Variants in COP1 observed in about 807,000 individuals in gnomAD.
The protein encoded by COP1 is COP1 E3 ubiquitin ligase.
A neutral mutation model predicts 101.3 loss-of-function variants in COP1; 24 were observed. The ratio of observed to expected loss-of-function variants is 0.24; its 90% CI spans 0.17 to 0.33. COP1 has a LOEUF of 0.33. Ranked by LOEUF, COP1 falls within the 10% of genes least tolerant of loss-of-function variation. COP1 has a pLI of 1.00. For synonymous variants in COP1, 347 were observed against 341.9 expected (o/e 1.01, Z -0.17); for missense variants, 663 against 906.2 (o/e 0.73, Z 3.45).
At chr1:176,165,662 G>C (rs937306132) in intron 3 of COP1, among the ~76,000 whole-genome samples, 2 of 151,978 alleles carry the variant, frequency 1.3e-5, no homozygotes, top group African/African-American at 4.8e-5. Flanking sequence ...CTGCAGCCTA[G>C]GAGATAGAGC....
chr1:175,995,191 A>G (rs1229551803), intron 15 of COP1, among the ~76,000 whole-genome samples: 1 of 152,236 alleles, frequency 6.6e-6, no homozygotes, highest in Non-Finnish European at 1.5e-5. Flanking sequence ...TGTTCTTTGA[A>G]AACAACAAGA....
At position 176,162,237 on chromosome 1, in the gene COP1, CAATA is replaced by C. The variant is rs1694449072; in HGVS notation, c.762+628_762+631del. On this transcript the variant is annotated intron_variant, in intron 5 of 19. Coordinates refer to ENST00000367669, the MANE Select transcript of COP1 (RefSeq NM_022457.7). Reference sequence around the variant, plus strand: ...TGTGTTACTCACTCACTTACTGTCTCAATAAATACTCCCTTTATGTTTAACCTCA... The same window carrying C: ...TGTGTTACTCACTCACTTACTGTCTCAATACTCCCTTTATGTTTAACCTCA... Among the ~76,000 whole-genome samples, 3 of 152,158 alleles carry C rather than the reference CAATA, an allele frequency of 2.0e-5. No individual in the cohort carries two copies. The South Asian group carries it at 6.2e-4, about 31-fold the overall frequency.
At chr1:176,097,242 G>C (rs529312147) in intron 9 of COP1, among the ~76,000 whole-genome samples, 2 of 151,926 alleles carry the variant, frequency 1.3e-5, no homozygotes, top group African/African-American at 4.8e-5. Context: ...AAAAACGACT[G>C]AATTATTTTT....
intron 15 of COP1, among the ~76,000 whole-genome samples, chr1:176,019,262 C>T (rs1217746289): frequency 4.6e-5 from 7 of 151,402 alleles, no homozygotes; most frequent in African/African-American, 9.7e-5. Context: ...CAGGAGTTCG[C>T]GATAAGCCTG....
At chr1:176,154,100 C>A (rs1009351217) in intron 5 of COP1, among the ~76,000 whole-genome samples, 1 of 152,116 alleles carries the variant, frequency 6.6e-6, no homozygotes, top group African/African-American at 2.4e-5. Context: ...ATGATGCTGG[C>A]CTCACAGAAT....
intron 18 of COP1, among the ~76,000 whole-genome samples, chr1:175,951,407 T>C (rs10753111): frequency 0.68 from 95,050 of 139,456 alleles, 33,871 homozygotes; most frequent in East Asian, 0.92. Flanking sequence ...GGTATAAGTA[T>C]ATACAATGTA....
chr1:176,048,616 T>C (rs1194251490), intron 11 of COP1, among the ~76,000 whole-genome samples: 1 of 152,206 alleles, frequency 6.6e-6, no homozygotes, highest in East Asian at 1.9e-4. Context: ...GACAGAGTTA[T>C]TATCAGAACT....
chr1:176,180,569 T>C (rs1174367136), intron 2 of COP1, among the ~76,000 whole-genome samples: 1 of 152,250 alleles, frequency 6.6e-6, no homozygotes, highest in African/African-American at 2.4e-5. Context: ...GATATAAATG[T>C]GTACCTATTT....
intron 18 of COP1, among the ~76,000 whole-genome samples, chr1:175,982,868 T>C (rs1486767181): frequency 6.6e-6 from 1 of 151,902 alleles, no homozygotes; most frequent in South Asian, 2.1e-4. Context: ...TTACCAGAGG[T>C]GGGGGATGGG....
chr1:176,094,035 A>C (rs1329242029), intron 9 of COP1, among the ~76,000 whole-genome samples: 2 of 13,076 alleles, frequency 1.5e-4, no homozygotes, highest in African/African-American at 2.0e-4. Flanking sequence ...AAAAAAAGGA[A>C]AAAAAAAAAA....
intron 5 of COP1, among the ~76,000 whole-genome samples, chr1:176,159,832 C>G (rs1043839609): frequency 6.6e-6 from 1 of 152,062 alleles, no homozygotes; most frequent in Non-Finnish European, 1.5e-5. Context: ...GGTGGTCACA[C>G]TGGGAGAAGG....
intron 11 of COP1, among the ~76,000 whole-genome samples, chr1:176,058,719 A>AT (rs1362284598): frequency 6.6e-6 from 1 of 151,130 alleles, no homozygotes; most frequent in African/African-American, 2.4e-5. Context: ...ACCCTGCCAA[A>AT]TCCCCCTCTG....
intron 9 of COP1, among the ~76,000 whole-genome samples, chr1:176,103,951 C>G (rs1241068859): frequency 1.3e-5 from 2 of 151,894 alleles, no homozygotes; most frequent in African/African-American, 4.8e-5. Context: ...TATGAAAAAA[C>G]AAACAGGAAG....
chr1:176,131,895 C>T (rs1039103592), intron 8 of COP1, among the ~76,000 whole-genome samples: 11 of 151,782 alleles, frequency 7.2e-5, no homozygotes, highest in African/African-American at 2.2e-4. Flanking sequence ...TACTGTTTGC[C>T]TATTTTCCCT....
chr1:176,121,452 A>T (rs1196857700), intron 8 of COP1, among the ~76,000 whole-genome samples: 1 of 152,160 alleles, frequency 6.6e-6, no homozygotes, highest in Non-Finnish European at 1.5e-5. Flanking sequence ...TAACAGCAGC[A>T]GCTAACATTT....
intron 1 of COP1, among the ~76,000 whole-genome samples, chr1:176,192,766 G>A (rs1244519786): frequency 6.6e-6 from 1 of 152,140 alleles, no homozygotes; most frequent in African/African-American, 2.4e-5. Context: ...GGTACCATGT[G>A]TGATACATTT....
intron 15 of COP1, chr1:176,017,689 T>C (rs1665914147): frequency 6.6e-6 from 1 of 152,140 alleles, no homozygotes; most frequent in Non-Finnish European, 1.5e-5. Flanking sequence ...CACACCTGGT[T>C]AATTTTTATA....
At chr1:175,994,682 C>T (rs1222504295) in intron 15 of COP1, among the ~76,000 whole-genome samples, 3 of 152,232 alleles carry the variant, frequency 2.0e-5, no homozygotes, top group Non-Finnish European at 4.4e-5. Flanking sequence ...ATCAATTCAA[C>T]AAGAAGAGCT....
intron 15 of COP1, among the ~76,000 whole-genome samples, chr1:175,998,063 T>TAAAAAAAAAAAAAAAAAAAAAA (rs57110017): frequency 3.0e-5 from 2 of 66,820 alleles, no homozygotes; most frequent in African/African-American, 1.6e-4. Context: ...AGAGTATAAT[T>TAAAAAAAAAAAAAAAAAAAAAA]AAAAAAAAAA....
Sources: gnomAD v4.1 joint callset for allele counts (sites outside exome capture counted in the v4.1 genomes callset) on GRCh38, gnomAD v4.1.1 for gene constraint, MANE v1.5 for transcripts, NCBI Gene and HGNC (gene_info 2026-07-23, HGNC 2026-07-21) for gene names.